FRMD3: variants seen among roughly 807,000 people sequenced by gnomAD.
FRMD3 encodes FERM domain-containing protein 3.
A neutral mutation model predicts 70.2 loss-of-function variants in FRMD3; 33 were observed. That is an observed-to-expected ratio of 0.47 (90% CI 0.36 to 0.63). The LOEUF (loss-of-function observed/expected upper bound fraction) is 0.63. FRMD3 is among the 20% of genes least tolerant of loss of function. FRMD3 has a pLI of 0.00. For missense variants in FRMD3, 632 were observed against 711.4 expected (o/e 0.89, Z 1.27); for synonymous variants, 279 against 255.9 (o/e 1.09, Z -0.86).
intron 1 of FRMD3, among the ~76,000 whole-genome samples, chr9:83,447,455 C>T (rs1827512872): frequency 6.6e-6 from 1 of 152,218 alleles, no homozygotes; most frequent in Non-Finnish European, 1.5e-5. Context: ...ATCCAAACCT[C>T]GATGAGACAC....
intron 13 of FRMD3, among the ~76,000 whole-genome samples, chr9:83,282,998 G>T (rs957380586): frequency 6.6e-6 from 1 of 151,960 alleles, no homozygotes; most frequent in Non-Finnish European, 1.5e-5. Context: ...AAAACTTCTC[G>T]TGAGTACTTA....
chr9:83,412,652 T>G (rs1013806885), intron 1 of FRMD3, among the ~76,000 whole-genome samples: 6 of 152,240 alleles, frequency 3.9e-5, no homozygotes, highest in Admixed American at 3.9e-4. Flanking sequence ...GTAGCCTTTG[T>G]GAGCAGCTGA....
chr9:83,515,973 T>G (rs929386036), intron 1 of FRMD3, among the ~76,000 whole-genome samples: 2 of 152,024 alleles, frequency 1.3e-5, no homozygotes, highest in African/African-American at 4.8e-5. Context: ...AAGGAAGCAC[T>G]AACTATGGGA....
intron 10 of FRMD3, among the ~76,000 whole-genome samples, chr9:83,308,522 C>G (rs992385964): frequency 2.0e-5 from 3 of 152,096 alleles, no homozygotes; most frequent in African/African-American, 7.2e-5. Context: ...TGATCAAAAG[C>G]CACCTGGATG....
At chr9:83,580,350 A>G in the FRMD3 span, among the ~76,000 whole-genome samples, 1 of 152,108 alleles carries the variant, frequency 6.6e-6, no homozygotes, top group Non-Finnish European at 1.5e-5. Flanking sequence ...CCAATAGCCA[A>G]GATAAGGAAT....
At chr9:83,272,024 C>G (rs1010891589) in intron 13 of FRMD3, among the ~76,000 whole-genome samples, 3 of 152,164 alleles carry the variant, frequency 2.0e-5, no homozygotes, top group Non-Finnish European at 4.4e-5. Flanking sequence ...GATTGTGACT[C>G]AAGATAGTTG....
chr9:83,555,531 T>G, the FRMD3 span, among the ~76,000 whole-genome samples: 8 of 152,224 alleles, frequency 5.3e-5, no homozygotes, highest in East Asian at 1.5e-3. Flanking sequence ...CCCCTCCCCC[T>G]AGGAGATCCT....
intron 4 of FRMD3, among the ~76,000 whole-genome samples, chr9:83,349,437 A>G (rs1184428004): frequency 2.6e-5 from 4 of 151,902 alleles, no homozygotes; most frequent in Non-Finnish European, 5.9e-5. Context: ...TTCAGAGAAC[A>G]CCTCCCCCAT....
At chr9:83,309,298 ACAC>A (rs1835261608) in intron 10 of FRMD3, among the ~76,000 whole-genome samples, 1 of 149,996 alleles carries the variant, frequency 6.7e-6, no homozygotes, top group African/African-American at 2.5e-5. Flanking sequence ...ACACACACAC[ACAC>A]ACAGTGGCCC....
downstream of FRMD3, among the ~76,000 whole-genome samples, chr9:83,243,937 A>G (rs1476100850): frequency 1.3e-5 from 2 of 151,968 alleles, no homozygotes; most frequent in Admixed American, 6.6e-5. Flanking sequence ...GACCAGCCTG[A>G]CCAACACGGA....
intron 1 of FRMD3, among the ~76,000 whole-genome samples, chr9:83,535,282 T>C (rs1196930032): frequency 6.6e-6 from 1 of 152,228 alleles, no homozygotes; most frequent in Non-Finnish European, 1.5e-5. Context: ...CTATCATCTC[T>C]TGCATCTACC....
chr9:83,291,675 G>A lies in FRMD3; in HGVS notation c.1071-948C>T, dbSNP rs368341575. ...GTCTCTGTCTAGTTATTGGTGTACT[G>A]ATCATCCCCACCTAGATAAGCACCT... On this transcript the variant is annotated intron_variant, in intron 12 of 13. Coordinates refer to ENST00000304195, the MANE Select transcript of FRMD3 (RefSeq NM_174938.6). Among the ~76,000 whole-genome samples the A allele has an allele frequency of 6.6e-5, 10 of 151,916 alleles. No homozygotes were observed. In the East Asian group the frequency reaches 1.7e-3, roughly 26 times the overall value.
At chr9:83,395,990 A>G (rs991955771) in intron 1 of FRMD3, among the ~76,000 whole-genome samples, 2 of 152,382 alleles carry the variant, frequency 1.3e-5, no homozygotes, top group South Asian at 2.1e-4. Flanking sequence ...CTTACTGTAT[A>G]TCAAGAACTT....
rs371960929 is a variant in FRMD3 at position 83,364,541 on chromosome 9, C to A, written c.295+8372G>T. Among the ~76,000 whole-genome samples, 3 of 147,126 alleles carry A rather than the reference C, an allele frequency of 2.0e-5. No homozygotes were observed. The South Asian group carries it at 6.7e-4, about 33-fold the overall frequency. On this transcript the variant is annotated intron_variant, in intron 3 of 13. Coordinates refer to ENST00000304195, the MANE Select transcript of FRMD3 (RefSeq NM_174938.6). Reference sequence around the variant, plus strand: ...ACTGCACGCCAGCCTGGTGACAGAGCAAGACCCCATCTCCAAAAAAAAAAA... The same window carrying A: ...ACTGCACGCCAGCCTGGTGACAGAGAAAGACCCCATCTCCAAAAAAAAAAA...
chr9:83,415,481 C>T (rs957593849), intron 1 of FRMD3, among the ~76,000 whole-genome samples: 74 of 139,800 alleles, frequency 5.3e-4, no homozygotes, highest in African/African-American at 1.6e-3. Flanking sequence ...CTCACTCTGT[C>T]ACCCAGGCTG....
At chr9:83,293,051 G>A (rs2889954) in intron 12 of FRMD3, among the ~76,000 whole-genome samples, 76,774 of 152,030 alleles carry the variant, frequency 0.5, 20,921 homozygotes, top group South Asian at 0.72. Flanking sequence ...CACCTAATCC[G>A]GTGTGAGTGA....
chr9:83,400,491 C>T (rs1564058892), intron 1 of FRMD3, among the ~76,000 whole-genome samples: 1 of 152,112 alleles, frequency 6.6e-6, no homozygotes, highest in East Asian at 1.9e-4. Flanking sequence ...TCTATAGATT[C>T]AATGCAAGCT....
rs1230891909 is a variant in FRMD3, at chr9:83,246,816, TCAGA to T, written c.*1098_*1101del. 53 of 985,246 alleles carry T rather than the reference TCAGA, an allele frequency of 5.4e-5. No individual in the cohort carries two copies. The highest frequency in any genetic ancestry group is 6.3e-5 in the Non-Finnish European group (52 of 829,892). The allele number at this position is 985,246 out of a possible 1,614,324, so 61.0% of individuals were successfully genotyped here. ...TCCACTTAAACATGTTCATGTTAACTCAGACAGCGACTGCACTGCTCTTCACATC... is the reference window on the plus strand; with the variant it reads ...TCCACTTAAACATGTTCATGTTAACTCAGCGACTGCACTGCTCTTCACATC... On this transcript the variant is annotated 3_prime_UTR_variant, in exon 14 of 14. Transcript: ENST00000304195.
At chr9:83,325,291 T>C (rs527713959) in intron 6 of FRMD3, among the ~76,000 whole-genome samples, 1 of 152,296 alleles carries the variant, frequency 6.6e-6, no homozygotes, top group East Asian at 1.9e-4. Context: ...AAAATGACAC[T>C]TATACTTGAT....
Sources: allele counts gnomAD v4.1 joint callset (sites outside exome capture counted in the v4.1 genomes callset), GRCh38; gene constraint gnomAD v4.1.1; transcripts MANE v1.5; gene names NCBI Gene and HGNC (gene_info 2026-07-23, HGNC 2026-07-21).